SOX5: variants seen among roughly 807,000 people sequenced by gnomAD.
SOX5 encodes the protein SRY-box transcription factor 5.
Under a neutral mutation model 92.0 loss-of-function variants are expected in SOX5, and 9 were observed. The observed-to-expected ratio is 0.10, with a 90% confidence interval of 0.06 to 0.17. The LOEUF is 0.17. SOX5 is among the 10% of genes least tolerant of loss of function. SOX5 has a pLI of 1.00. For synonymous variants in SOX5, 344 were observed against 336.3 expected, an observed-to-expected ratio of 1.02 and a Z score of -0.25; for missense variants, 642 against 944.5, an observed-to-expected ratio of 0.68 and a Z score of 4.20.
chr12:23,822,524 G>T (rs1039911184), intron 3 of SOX5, among the ~76,000 whole-genome samples: 3 of 152,142 alleles, frequency 2.0e-5, no homozygotes, highest in African/African-American at 7.2e-5. Flanking sequence ...TTGCTGAGGA[G>T]TGTTTTACTT....
At chr12:24,354,908 G>A (rs1306482283) in intron 2 of SOX5, among the ~76,000 whole-genome samples, 1 of 152,180 alleles carries the variant, frequency 6.6e-6, no homozygotes, top group African/African-American at 2.4e-5. Flanking sequence ...AACTGGGGAT[G>A]AGAGGGGAGA....
intron 2 of SOX5, among the ~76,000 whole-genome samples, chr12:24,316,397 AAC>A (rs1217328333): frequency 6.6e-6 from 1 of 152,202 alleles, no homozygotes; most frequent in Non-Finnish European, 1.5e-5. Flanking sequence ...GACATTCAGC[AAC>A]AGACTTGATA....
At chr12:24,213,433 A>G (rs1440289416) in intron 3 of SOX5, 1 of 150,676 alleles carries the variant, frequency 6.6e-6, no homozygotes, top group Non-Finnish European at 1.5e-5. Flanking sequence ...AAAAAAAAAA[A>G]AAAAAAGAAA....
intron 3 of SOX5, among the ~76,000 whole-genome samples, chr12:23,830,417 A>G (rs150877881): frequency 2.7e-3 from 404 of 152,268 alleles, no homozygotes; most frequent in African/African-American, 8.7e-3. Flanking sequence ...CATTAGGAGT[A>G]GCCTCCAACA....
intron 3 of SOX5, among the ~76,000 whole-genome samples, chr12:24,257,335 C>T (rs1326419772): frequency 2.0e-5 from 3 of 152,122 alleles, no homozygotes; most frequent in African/African-American, 7.2e-5. Context: ...TATACATTTG[C>T]ATGTACAACA....
At chr12:24,404,646 T>G (rs1426193201) in intron 1 of SOX5, among the ~76,000 whole-genome samples, 1 of 152,088 alleles carries the variant, frequency 6.6e-6, no homozygotes, top group Non-Finnish European at 1.5e-5. Flanking sequence ...TGAGATGAAG[T>G]GTAGGATAGC....
intron 3 of SOX5, among the ~76,000 whole-genome samples, chr12:24,267,700 A>G (rs1257629987): frequency 6.6e-6 from 1 of 152,104 alleles, no homozygotes. Context: ...AAAATAAGCA[A>G]TTGCTTGTTC....
chr12:24,031,342 T>A (rs1251795540), intron 4 of SOX5, among the ~76,000 whole-genome samples: 1 of 151,718 alleles, frequency 6.6e-6, no homozygotes, highest in Non-Finnish European at 1.5e-5. Context: ...GAAAATGTGA[T>A]ACATCTATAC....
intron 1 of SOX5, among the ~76,000 whole-genome samples, chr12:24,542,793 C>T (rs998876007): frequency 1.3e-5 from 2 of 152,190 alleles, no homozygotes; most frequent in Non-Finnish European, 2.9e-5. Context: ...TTGTCACCTT[C>T]GTAACACTGG....
chr12:24,547,346 C>T (rs908036984), intron 1 of SOX5, among the ~76,000 whole-genome samples: 10 of 151,644 alleles, frequency 6.6e-5, no homozygotes, highest in East Asian at 3.9e-4. Context: ...CGCCCGCCAC[C>T]GCGCCCGGCT....
chr12:24,495,801 A>G (rs1947571002), intron 1 of SOX5, among the ~76,000 whole-genome samples: 1 of 152,210 alleles, frequency 6.6e-6, no homozygotes, highest in Non-Finnish European at 1.5e-5. Flanking sequence ...AAAGAACCAC[A>G]AGGATGGGGG....
intron 2 of SOX5, among the ~76,000 whole-genome samples, chr12:23,863,057 T>A (rs1344397430): frequency 3.3e-5 from 5 of 152,286 alleles, no homozygotes; most frequent in East Asian, 3.9e-4. Context: ...TTTGAAATGA[T>A]CTAAATGATG....
At chr12:24,405,955 C>T (rs189812925) in intron 1 of SOX5, among the ~76,000 whole-genome samples, 4 of 152,122 alleles carry the variant, frequency 2.6e-5, no homozygotes, top group Admixed American at 2.0e-4. Context: ...TTCCATAGGT[C>T]TTTAGAGAGG....
chr12:23,893,551 C>T (rs1007372732), intron 2 of SOX5, among the ~76,000 whole-genome samples: 3 of 152,130 alleles, frequency 2.0e-5, no homozygotes, highest in Non-Finnish European at 4.4e-5. Context: ...TTCTCTCATA[C>T]CCATCCTTCA....
At chr12:23,652,860 A>G (rs185420662) in intron 7 of SOX5, among the ~76,000 whole-genome samples, 2 of 152,266 alleles carry the variant, frequency 1.3e-5, no homozygotes, top group South Asian at 2.1e-4. Flanking sequence ...CATTCAATAC[A>G]GGCAATCTGT....
intron 7 of SOX5, among the ~76,000 whole-genome samples, chr12:23,643,444 C>A (rs867486889): frequency 1.8e-4 from 27 of 152,160 alleles, no homozygotes; most frequent in Admixed American, 1.2e-3. Context: ...ACTTGATAAA[C>A]ATGTTAAAAT....
At chr12:24,526,152 G>A (rs1265826514) in intron 1 of SOX5, among the ~76,000 whole-genome samples, 1 of 152,112 alleles carries the variant, frequency 6.6e-6, no homozygotes, top group Non-Finnish European at 1.5e-5. Context: ...TGGCTGGGAA[G>A]AATTTAGAGG....
At position 23,543,271 on chromosome 12, in the gene SOX5, G is replaced by T. The variant is rs1565669640; in HGVS notation, c.1711C>A (p.Arg571=). 2 of 1,613,720 alleles carry T rather than the reference G, an allele frequency of 1.2e-6. No individual in the cohort carries two copies. Among genetic ancestry groups the T allele is most frequent in the South Asian group, 2.2e-5 (2 of 91,050 alleles). ...NAFMVWAKDE[R]RKILQAFPDM... ...GGAAAGGCTTGAAGGATCTTTCTCC[G>T]TTCATCTTTAGCCCACACCATGAAG... Residue 571 remains arginine (R), a synonymous_variant, in exon 13 of 15, where the codon CGG becomes AGG. Transcript: ENST00000451604.
At chr12:24,099,066 T>C (rs1448204708) in intron 4 of SOX5, among the ~76,000 whole-genome samples, 1 of 152,180 alleles carries the variant, frequency 6.6e-6, no homozygotes, top group East Asian at 1.9e-4. Context: ...CTGATATCCA[T>C]AATCCCCCAA....
Sources: allele counts gnomAD v4.1 joint callset (sites outside exome capture counted in the v4.1 genomes callset), GRCh38; gene constraint gnomAD v4.1.1; transcripts MANE v1.5; gene names NCBI Gene and HGNC (gene_info 2026-07-23, HGNC 2026-07-21).